The following SLC14A2 variants were observed in gnomAD, a reference collection of about 807,000 sequenced individuals.
The protein encoded by SLC14A2 is solute carrier family 14 member 2, also known as urea transporter 2.
In SLC14A2, 91 loss-of-function variants were observed where a neutral mutation model predicts 104.6. The ratio of observed to expected loss-of-function variants is 0.87; its 90% CI spans 0.73 to 1.04. The LOEUF is 1.04. SLC14A2 is among the 50% of genes least tolerant of loss of function. SLC14A2 has a pLI of 0.00. For missense variants in SLC14A2, 1,189 were observed against 1,156.0 expected (o/e 1.03, Z -0.41); for synonymous variants, 476 against 466.4 (o/e 1.02, Z -0.27).
At chr18:45,564,021 G>A (rs1321793719) in intron 2 of SLC14A2, among the ~76,000 whole-genome samples, 1 of 152,190 alleles carries the variant, frequency 6.6e-6, no homozygotes, top group Admixed American at 6.5e-5. Context: ...TGCCCTCATT[G>A]TAGTGGCGTA....
chr18:45,665,002 G>A (rs1432801383), intron 11 of SLC14A2, among the ~76,000 whole-genome samples: 1 of 152,080 alleles, frequency 6.6e-6, no homozygotes. Flanking sequence ...AGAAACAGCG[G>A]GTCAGTGGGG....
chr18:45,229,107 A>G (rs1272198452), intron 1 of SLC14A2, among the ~76,000 whole-genome samples: 1 of 152,218 alleles, frequency 6.6e-6, no homozygotes, highest in Non-Finnish European at 1.5e-5. Flanking sequence ...ATTGGCCTGT[A>G]GTCTTTTCAA....
rs929861309 is a variant in SLC14A2, at chr18:45,238,355, G to A, written c.-125+25164G>A. 1.1e-4 allele frequency among the ~76,000 whole-genome samples: 16 copies of A among 152,260 alleles called. 1 individual carries two copies. Among genetic ancestry groups the A allele is most frequent in the Middle Eastern group, 3.4e-3 (1 of 294 alleles). ...GCAGACTCTATTTAAGAAACAGTCC[G>A]GTCTCTGCAAACCTGAGAGAGCGGT... On this transcript the variant is annotated intron_variant, in intron 1 of 20. Transcript: ENST00000586448.
chr18:45,489,241 A>T (rs1253199334), intron 2 of SLC14A2, among the ~76,000 whole-genome samples: 3 of 152,268 alleles, frequency 2.0e-5, no homozygotes, highest in Admixed American at 6.5e-5. Context: ...CTTGAATTTC[A>T]CAATGCTACT....
intron 2 of SLC14A2, among the ~76,000 whole-genome samples, chr18:45,523,310 CA>C (rs796158268): frequency 1.5e-4 from 23 of 151,764 alleles, no homozygotes; most frequent in African/African-American, 5.1e-4. Flanking sequence ...ATACTCCCAT[CA>C]CCAGGTTTTT....
chr18:45,223,381 A>G (rs1197109865), intron 1 of SLC14A2, among the ~76,000 whole-genome samples: 1 of 152,176 alleles, frequency 6.6e-6, no homozygotes, highest in East Asian at 1.9e-4. Context: ...ATAGATGCAT[A>G]TGTGTGTGTG....
At chr18:45,475,642 G>T (rs1270041053) in intron 1 of SLC14A2, among the ~76,000 whole-genome samples, 3 of 49,226 alleles carry the variant, frequency 6.1e-5, no homozygotes, top group Non-Finnish European at 1.2e-4. Flanking sequence ...ATATATTTAG[G>T]ATATATATAT....
rs567521318 is a variant in SLC14A2, at chr18:45,580,618, A to C, written c.-34-44013A>C. ...TATGGCTTAGCATATGCCAGCCCTC[A>C]TTCTGGCTGTTTTGCATGTATTAAA... is the stretch of plus-strand genomic sequence containing the variant. On this transcript the variant is annotated intron_variant, in intron 2 of 20. Coordinates refer to the SLC14A2 transcript ENST00000586448. Among the ~76,000 whole-genome samples the C allele has an allele frequency of 2.6e-5, 4 of 152,348 alleles. No homozygotes were observed. The East Asian group carries it at 7.7e-4, about 29-fold the overall frequency.
intron 1 of SLC14A2, among the ~76,000 whole-genome samples, chr18:45,246,147 C>G (rs1799701880): frequency 6.6e-6 from 1 of 152,008 alleles, no homozygotes; most frequent in African/African-American, 2.4e-5. Flanking sequence ...GACTTGTATC[C>G]TTACAAAAAG....
At chr18:45,578,411 TA>T (rs2044443492) in intron 2 of SLC14A2, among the ~76,000 whole-genome samples, 1 of 152,328 alleles carries the variant, frequency 6.6e-6, no homozygotes, top group Non-Finnish European at 1.5e-5. Flanking sequence ...AGGCCAAGCC[TA>T]AGCATACAGT....
intron 1 of SLC14A2, among the ~76,000 whole-genome samples, chr18:45,384,410 C>T (rs1598741446): frequency 6.6e-6 from 1 of 152,292 alleles, no homozygotes; most frequent in East Asian, 1.9e-4. Flanking sequence ...ACTTTGCTCC[C>T]TAAAGAGCTT....
intron 1 of SLC14A2, among the ~76,000 whole-genome samples, chr18:45,270,597 G>A (rs1470027953): frequency 6.6e-6 from 1 of 152,112 alleles, no homozygotes. Context: ...GTTGTGCTTA[G>A]TTCCTGCAAT....
the SLC14A2 span, among the ~76,000 whole-genome samples, chr18:45,195,138 A>C: frequency 6.6e-6 from 1 of 152,138 alleles, no homozygotes. Flanking sequence ...GAAAGAGAGG[A>C]GCCTGTAGCA....
intron 1 of SLC14A2, among the ~76,000 whole-genome samples, chr18:45,465,239 A>G (rs1455755710): frequency 1.3e-5 from 2 of 152,194 alleles, no homozygotes; most frequent in Admixed American, 1.3e-4. Context: ...ACCTCTGGAG[A>G]TATTTGGGGG....
rs2045576936 is a variant in SLC14A2, at chr18:45,643,974, T to C, written c.1177-12T>C. ...AGGAAACTTCTTCAGTCCCCAATGC[T>C]TTTGTTTCCAGGTGGGCGTGCCACC... On this transcript the variant is annotated splice_polypyrimidine_tract_variant and intron_variant, in intron 9 of 19. Coordinates refer to ENST00000255226, the MANE Select transcript of SLC14A2 (RefSeq NM_007163.4). 1 of 1,612,964 alleles carries C rather than the reference T, an allele frequency of 6.2e-7. No homozygotes were observed.
At chr18:45,382,815 T>C (rs2085853269) in intron 1 of SLC14A2, among the ~76,000 whole-genome samples, 1 of 152,242 alleles carries the variant, frequency 6.6e-6, no homozygotes, top group Non-Finnish European at 1.5e-5. Flanking sequence ...TATCCCTTTT[T>C]TCTATGACCA....
chr18:45,205,789 A>G, the SLC14A2 span, among the ~76,000 whole-genome samples: 1 of 152,248 alleles, frequency 6.6e-6, no homozygotes, highest in Non-Finnish European at 1.5e-5. Flanking sequence ...GAATCCATTC[A>G]TTCTTTTATT....
chr18:45,446,011 G>A (rs1393040843), intron 1 of SLC14A2, among the ~76,000 whole-genome samples: 1 of 152,112 alleles, frequency 6.6e-6, no homozygotes, highest in Non-Finnish European at 1.5e-5. Context: ...GAGTCACTGG[G>A]TTCTAACTTA....
intron 1 of SLC14A2, among the ~76,000 whole-genome samples, chr18:45,406,457 A>G (rs1439887465): frequency 2.0e-5 from 3 of 152,206 alleles, no homozygotes; most frequent in African/African-American, 7.2e-5. Flanking sequence ...AAGAGTTTGA[A>G]TCAATGTCCT....
Sources: gnomAD v4.1 joint callset for allele counts (sites outside exome capture counted in the v4.1 genomes callset) on GRCh38, gnomAD v4.1.1 for gene constraint, MANE v1.5 for transcripts, NCBI Gene and HGNC (gene_info 2026-07-23, HGNC 2026-07-21) for gene names.